LDLRAP1: variants seen among roughly 807,000 people sequenced by gnomAD.
LDLRAP1 encodes the protein low density lipoprotein receptor adapter protein 1.
LDLRAP1 carries 30 observed loss-of-function variants against 37.8 expected under a neutral mutation model. The observed-to-expected ratio is 0.79, with a 90% confidence interval of 0.59 to 1.08. The LOEUF is 1.08. Among genes scored for constraint, LDLRAP1 ranks in the 50% least tolerant of loss-of-function variants. LDLRAP1 has a pLI of 0.00. For missense variants in LDLRAP1, 375 were observed against 401.6 expected (o/e 0.93, Z 0.57); for synonymous variants, 156 against 169.8 (o/e 0.92, Z 0.63).
downstream of LDLRAP1, among the ~76,000 whole-genome samples, chr1:25,573,704 C>T (rs979942282): frequency 5.9e-5 from 9 of 152,184 alleles, no homozygotes; most frequent in African/African-American, 9.7e-5. Context: ...GCACACGTTA[C>T]GTAATCCTTA....
In LDLRAP1 at chr1:25,544,550, C is replaced by G. The variant is rs1043797181; in HGVS notation, c.88+764C>G. ...GTGCCCAGGCAAACGACAGACTCGC[C>G]GCCACCTCTCCCTGGGGCGTCTGGG... On this transcript the variant is annotated intron_variant, in intron 1 of 8. Transcript: ENST00000374338. The surrounding 1 kb of genome is among the most constrained non-coding windows in gnomAD (Gnocchi z 4.8). Among the ~76,000 whole-genome samples the G allele has an allele frequency of 3.9e-5, 6 of 152,210 alleles. No homozygotes were observed. Among genetic ancestry groups the G allele is most frequent in the African/African-American group, 1.4e-4 (6 of 41,444 alleles).
intron 4 of LDLRAP1, 40 bp from the exon 5 acceptor site, chr1:25,562,604 T>A: frequency 6.3e-7 from 1 of 1,578,132 alleles, no homozygotes; most frequent in East Asian, 2.2e-5. Flanking sequence ...CTGCCCTGGC[T>A]GACACTGCAC....
chr1:25,570,299 C>T (rs1035072150), downstream of LDLRAP1, among the ~76,000 whole-genome samples: 5 of 152,198 alleles, frequency 3.3e-5, no homozygotes, highest in Admixed American at 1.3e-4. Flanking sequence ...GAATCCTGAG[C>T]GCCAGCCGTC....
chr1:25,548,514 A>AT (rs372303471), intron 1 of LDLRAP1, among the ~76,000 whole-genome samples: 2,224 of 151,340 alleles, frequency 0.015, 57 homozygotes, highest in African/African-American at 0.051. Context: ...CACACAGCTA[A>AT]TTTTTTTGTA....
chr1:25,577,999 G>C, the LDLRAP1 span, among the ~76,000 whole-genome samples: 2 of 152,202 alleles, frequency 1.3e-5, no homozygotes, highest in Non-Finnish European at 2.9e-5. Flanking sequence ...ATCTGGGCTG[G>C]GGACGTAGCT....
At chr1:25,559,353 G>T (rs141484067) in intron 4 of LDLRAP1, among the ~76,000 whole-genome samples, 43 of 152,240 alleles carry the variant, frequency 2.8e-4, no homozygotes, top group Non-Finnish European at 5.6e-4. Context: ...TGCAGGCCCA[G>T]CTCTTACAAG....
Position 25,563,773 on chromosome 1 carries a change from T to G in LDLRAP1, c.729T>G (p.Ser243Arg), listed in dbSNP as rs936665483. The stretch of plus-strand genomic sequence containing the variant: ...AGGTGCCGCGGCCACAAGCCTTGAG[T>G]GGCAGCAGTGTTGTCTGGGTGAGTG... ...MDEVPRPQAL[S>R]GSSVVWELDD... The change falls in exon 7 of 9, where the codon AGT (serine) becomes AGG (arginine). Residue 243 changes from serine (S) to arginine (R), a missense_variant. Coordinates refer to ENST00000374338, the MANE Select transcript of LDLRAP1 (RefSeq NM_015627.3). 1 of 1,613,820 alleles carries G rather than the reference T, an allele frequency of 6.2e-7. No homozygotes were observed. Among genetic ancestry groups the G allele is most frequent in the Non-Finnish European group, 8.5e-7 (1 of 1,180,016 alleles).
At chr1:25,587,580 C>T in the LDLRAP1 span, among the ~76,000 whole-genome samples, 1 of 152,208 alleles carries the variant, frequency 6.6e-6, no homozygotes, top group Non-Finnish European at 1.5e-5. Context: ...CAAATGGGAG[C>T]GCAAGATCCC....
At chr1:25,589,852 C>T in the LDLRAP1 span, among the ~76,000 whole-genome samples, 3 of 152,232 alleles carry the variant, frequency 2.0e-5, no homozygotes, top group East Asian at 1.9e-4. Context: ...CCTGTAATCC[C>T]GGCACTTTGG....
At chr1:25,575,076 TCC>T in the LDLRAP1 span, among the ~76,000 whole-genome samples, 8 of 152,178 alleles carry the variant, frequency 5.3e-5, no homozygotes, top group African/African-American at 1.9e-4. Context: ...ACCGTCCCGG[TCC>T]CCAAATGCAG....
the LDLRAP1 span, among the ~76,000 whole-genome samples, chr1:25,588,812 C>T: frequency 6.6e-6 from 1 of 152,182 alleles, no homozygotes; most frequent in Non-Finnish European, 1.5e-5. Context: ...GCAACCCACC[C>T]CTTCAAAGTG....
At chr1:25,545,356 GA>G (rs1205454665) in intron 1 of LDLRAP1, among the ~76,000 whole-genome samples, 1 of 152,182 alleles carries the variant, frequency 6.6e-6, no homozygotes. Context: ...ATGTGGAAGA[GA>G]ATTTCTCTTG....
the LDLRAP1 span, among the ~76,000 whole-genome samples, chr1:25,577,686 C>A: frequency 1.3e-5 from 2 of 152,188 alleles, no homozygotes; most frequent in African/African-American, 4.8e-5. Flanking sequence ...CTGGCGGGGA[C>A]AAGACAGGGT....
At chr1:25,551,753 C>T (rs1029985104) in intron 1 of LDLRAP1, among the ~76,000 whole-genome samples, 3 of 152,006 alleles carry the variant, frequency 2.0e-5, no homozygotes, top group Non-Finnish European at 4.4e-5. Context: ...TCAGTGGAGA[C>T]CTGGCCTCAT....
the LDLRAP1 span, among the ~76,000 whole-genome samples, chr1:25,580,984 T>A: frequency 7.2e-5 from 11 of 152,118 alleles, no homozygotes; most frequent in Non-Finnish European, 1.3e-4. Flanking sequence ...TTTCCCTAAA[T>A]TGAGGCCAGC....
chr1:25,570,837 C>G (rs1254205545), downstream of LDLRAP1, among the ~76,000 whole-genome samples: 1 of 152,006 alleles, frequency 6.6e-6, no homozygotes, highest in African/African-American at 2.4e-5. Flanking sequence ...CCAGCCTGGG[C>G]GACAGAATGA....
chr1:25,572,288 C>T (rs1048914735), downstream of LDLRAP1, among the ~76,000 whole-genome samples: 5 of 152,164 alleles, frequency 3.3e-5, no homozygotes, highest in Non-Finnish European at 7.4e-5. Context: ...GCAGCCCTGG[C>T]TCAGCAGGCA....
chr1:25,573,811 C>G (rs922741042), downstream of LDLRAP1, among the ~76,000 whole-genome samples: 4 of 152,222 alleles, frequency 2.6e-5, no homozygotes, highest in African/African-American at 9.7e-5. Flanking sequence ...CTGCTCCTGC[C>G]TCTCCCTGAG....
At position 25,550,679 on chromosome 1, in the gene LDLRAP1, A is replaced by G. The variant is rs140998865; in HGVS notation, c.89-3243A>G. Among the ~76,000 whole-genome samples the G allele has an allele frequency of 1.7e-3, 260 of 152,272 alleles. 1 individual carries two copies. The highest frequency in any genetic ancestry group is 0.013 in the Admixed American group (195 of 15,288). On this transcript the variant is annotated intron_variant, in intron 1 of 8. Transcript: ENST00000374338. ...GTGAGGAGAGTCCCTCTGACTTGCC[A>G]TGTTACCTTGCACAGGTCCCATCCC...
Sources: allele counts gnomAD v4.1 joint callset (sites outside exome capture counted in the v4.1 genomes callset), GRCh38; gene constraint gnomAD v4.1.1; non-coding constraint Gnocchi (gnomAD v3.1); transcripts MANE v1.5; gene names NCBI Gene and HGNC (gene_info 2026-07-23, HGNC 2026-07-21).